Variants in RAB27A observed in about 807,000 individuals in gnomAD.
RAB27A encodes the protein RAB27A, member RAS oncogene family, also known as ras-related protein Rab-27A.
RAB27A carries 17 observed loss-of-function variants against 20.8 expected under a neutral mutation model. The ratio of observed to expected loss-of-function variants is 0.82; its 90% CI spans 0.56 to 1.23. The LOEUF is 1.23. Among genes scored for constraint, RAB27A ranks in the 50% most tolerant of loss-of-function variants. The pLI is 0.00. For synonymous variants in RAB27A, 85 were observed against 92.8 expected, an observed-to-expected ratio of 0.92 and a Z score of 0.48; for missense variants, 277 against 266.7, an observed-to-expected ratio of 1.04 and a Z score of -0.27.
intron 2 of RAB27A, among the ~76,000 whole-genome samples, chr15:55,257,169 T>C (rs1402615411): frequency 6.6e-6 from 1 of 152,220 alleles, no homozygotes. Context: ...GGAATGGGCA[T>C]AAGGTGTTTG....
intron 2 of RAB27A, among the ~76,000 whole-genome samples, chr15:55,266,484 T>C (rs1392290193): frequency 1.3e-5 from 2 of 151,958 alleles, no homozygotes; most frequent in African/African-American, 4.8e-5. Context: ...ATTTAGGAGG[T>C]AGAAATCAAT....
At chr15:55,268,316 T>G (rs993685074) in intron 2 of RAB27A, among the ~76,000 whole-genome samples, 2 of 152,204 alleles carry the variant, frequency 1.3e-5, no homozygotes, top group Non-Finnish European at 2.9e-5. Flanking sequence ...GTCACCACAC[T>G]GGAATGGAAG....
chr15:55,274,282 C>T (rs1897788017), intron 1 of RAB27A, among the ~76,000 whole-genome samples: 1 of 151,560 alleles, frequency 6.6e-6, no homozygotes, highest in African/African-American at 2.4e-5. Flanking sequence ...TAAATGCCTC[C>T]ATTAAGAAAA....
chr15:55,236,210 C>T lies in RAB27A; in HGVS notation c.-22-1254G>A, dbSNP rs910357610. Among the ~76,000 whole-genome samples, 4 of 152,000 alleles carry T rather than the reference C, an allele frequency of 2.6e-5. No homozygotes were observed. The South Asian group carries it at 6.2e-4, about 24-fold the overall frequency. Reference sequence around the variant, plus strand: ...AAGTCTCCTAGTGCTAGAACCTTGCCTTTTCTCTCTTTTTACATGGACATC... The same window carrying T: ...AAGTCTCCTAGTGCTAGAACCTTGCTTTTTCTCTCTTTTTACATGGACATC... On this transcript the variant is annotated intron_variant, in intron 2 of 6. Transcript: ENST00000336787.
At chr15:55,240,411 T>A (rs1238648246) in intron 2 of RAB27A, among the ~76,000 whole-genome samples, 1 of 152,188 alleles carries the variant, frequency 6.6e-6, no homozygotes, top group African/African-American at 2.4e-5. Flanking sequence ...CTAGGTCAGA[T>A]GCCCACATGT....
chr15:55,277,880 C>T (rs1317092477), intron 1 of RAB27A, among the ~76,000 whole-genome samples: 1 of 152,170 alleles, frequency 6.6e-6, no homozygotes, highest in Admixed American at 6.5e-5. Context: ...TCATGCATCC[C>T]GGGAAACCAT....
At chr15:55,248,536 C>G (rs1018498347) in intron 2 of RAB27A, among the ~76,000 whole-genome samples, 2 of 152,160 alleles carry the variant, frequency 1.3e-5, no homozygotes, top group African/African-American at 4.8e-5. Context: ...TTTTCCCCTG[C>G]AAAGTATGGG....
chr15:55,280,321 T>C (rs554512215), intron 1 of RAB27A, among the ~76,000 whole-genome samples: 1 of 151,916 alleles, frequency 6.6e-6, no homozygotes, highest in African/African-American at 2.4e-5. Context: ...CAGCCTGAGT[T>C]TACTCAGGCT....
intron 6 of RAB27A, among the ~76,000 whole-genome samples, chr15:55,212,398 T>C (rs1294214421): frequency 1.3e-5 from 2 of 152,178 alleles, no homozygotes; most frequent in African/African-American, 4.8e-5. Context: ...ACGCTGGCTT[T>C]GGGGAGTATT....
At chr15:55,209,913 T>TAC (rs1491472346) in intron 6 of RAB27A, among the ~76,000 whole-genome samples, 7 of 82,626 alleles carry the variant, frequency 8.5e-5, no homozygotes, top group African/African-American at 6.3e-4. Flanking sequence ...TGTGTGTGTA[T>TAC]GTATATACAC....
At chr15:55,245,805 G>A (rs1896662477) in intron 2 of RAB27A, among the ~76,000 whole-genome samples, 1 of 152,166 alleles carries the variant, frequency 6.6e-6, no homozygotes, top group Non-Finnish European at 1.5e-5. Context: ...TGTAAATACT[G>A]TTGAATTAAA....
At chr15:55,252,592 A>G (rs1047067280) in intron 2 of RAB27A, among the ~76,000 whole-genome samples, 3 of 152,086 alleles carry the variant, frequency 2.0e-5, no homozygotes, top group Non-Finnish European at 4.4e-5. Context: ...ACAGAGTGAG[A>G]TTCCATCTCA....
At chr15:55,272,261 T>C (rs1447082187) in intron 1 of RAB27A, among the ~76,000 whole-genome samples, 1 of 152,018 alleles carries the variant, frequency 6.6e-6, no homozygotes, top group Non-Finnish European at 1.5e-5. Context: ...TAGCCAGGTG[T>C]GGTGGCGGGC....
At chr15:55,207,962 C>A (rs1894732445) in intron 6 of RAB27A, among the ~76,000 whole-genome samples, 1 of 152,162 alleles carries the variant, frequency 6.6e-6, no homozygotes, top group African/African-American at 2.4e-5. Flanking sequence ...GGCCAAAAAA[C>A]CTGAACTTTT....
At chr15:55,221,218 C>T (rs76690184) in intron 6 of RAB27A, among the ~76,000 whole-genome samples, 4,733 of 152,314 alleles carry the variant, frequency 0.031, 92 homozygotes, top group Non-Finnish European at 0.042. Flanking sequence ...GACCCTCCCC[C>T]AGTACTTGAG....
At chr15:55,259,507 G>C (rs773900639) in intron 2 of RAB27A, among the ~76,000 whole-genome samples, 1 of 150,900 alleles carries the variant, frequency 6.6e-6, no homozygotes, top group Non-Finnish European at 1.5e-5. Flanking sequence ...AGCTAGTCTT[G>C]AACTCCTAGT....
intron 2 of RAB27A, among the ~76,000 whole-genome samples, chr15:55,311,667 G>A (rs1402489453): frequency 1.3e-5 from 2 of 152,202 alleles, no homozygotes; most frequent in East Asian, 3.8e-4. Context: ...GTAAGCTAGT[G>A]TTATAATTTA....
At chr15:55,259,908 G>A (rs1021242763) in intron 2 of RAB27A, 2 of 152,080 alleles carry the variant, frequency 1.3e-5, no homozygotes, top group Non-Finnish European at 2.9e-5. Context: ...TACCTGTTAC[G>A]ACTGGTACCC....
chr15:55,290,252 C>T (rs16976250), upstream of RAB27A: 12,304 of 152,148 alleles, frequency 0.081, 624 homozygotes, highest in East Asian at 0.18. Flanking sequence ...GTACTCACGC[C>T]GGCCCCGCCC....
Sources: allele counts gnomAD v4.1 joint callset (sites outside exome capture counted in the v4.1 genomes callset), GRCh38; gene constraint gnomAD v4.1.1; transcripts MANE v1.5; gene names NCBI Gene and HGNC (gene_info 2026-07-23, HGNC 2026-07-21).